The following ECHDC1 variants were observed in gnomAD, a reference collection of about 807,000 sequenced individuals.
ECHDC1 encodes ethylmalonyl-CoA decarboxylase.
A neutral mutation model predicts 29.7 loss-of-function variants in ECHDC1; 29 were observed. That is an observed-to-expected ratio of 0.98 (90% CI 0.73 to 1.33). The LOEUF (loss-of-function observed/expected upper bound fraction) is 1.33, where lower values mean the gene tolerates loss of function less well. Ranked by LOEUF, ECHDC1 falls within the 40% of genes most tolerant of loss-of-function variation. The pLI is 0.00. For synonymous variants in ECHDC1, 126 were observed against 123.1 expected, an observed-to-expected ratio of 1.02 and a Z score of -0.15; for missense variants, 328 against 350.0, an observed-to-expected ratio of 0.94 and a Z score of 0.50.
chr6:127,342,529 A>G, intron 1 of ECHDC1: 1 of 629,964 alleles, frequency 1.6e-6, no homozygotes, highest in East Asian at 2.9e-5. Flanking sequence ...GATTTCACAA[A>G]TATACTTCTC....
chr6:127,335,642 C>T (rs1157941845), intron 1 of ECHDC1, among the ~76,000 whole-genome samples: 1 of 151,890 alleles, frequency 6.6e-6, no homozygotes, highest in Non-Finnish European at 1.5e-5. Context: ...AAAAAGTCAC[C>T]AGTTGCCAGC....
intron 5 of ECHDC1, among the ~76,000 whole-genome samples, chr6:127,304,226 AAGTG>A (rs1415777054): frequency 6.6e-6 from 1 of 152,176 alleles, no homozygotes; most frequent in Non-Finnish European, 1.5e-5. Flanking sequence ...GTTTGGGAGA[AAGTG>A]AGGGAAGAGA....
intron 3 of ECHDC1, among the ~76,000 whole-genome samples, chr6:127,323,165 AG>A (rs1782987563): frequency 6.6e-6 from 1 of 152,114 alleles, no homozygotes; most frequent in Non-Finnish European, 1.5e-5. Flanking sequence ...TTCCATTCCC[AG>A]GATATCTCAT....
intron 5 of ECHDC1, among the ~76,000 whole-genome samples, chr6:127,308,216 A>G (rs1019656155): frequency 6.6e-6 from 1 of 152,202 alleles, no homozygotes; most frequent in Non-Finnish European, 1.5e-5. Context: ...ATAGGCCAAT[A>G]TCTCCAATGA....
rs1175167658 is a variant in ECHDC1, at chr6:127,330,935, A to G, written c.94T>C (p.Phe32Leu). 9.3e-6 allele frequency: 15 copies of G among 1,614,086 alleles called. No individual in the cohort carries two copies. Among genetic ancestry groups the G allele is most frequent in the Non-Finnish European group, 1.1e-5 (13 of 1,180,008 alleles). Residue 32 changes from phenylalanine (F) to leucine (L), a missense_variant, in exon 2 of 6, where the codon TTT becomes CTT. Coordinates refer to ENST00000454859, the MANE Select transcript of ECHDC1 (RefSeq NM_001002030.2). Reference protein sequence around the residue: ...GLSLYSTSHGFYEEEVKKTLQ... With the variant: ...GLSLYSTSHGLYEEEVKKTLQ... ...GTTTTTTTCACTTCTTCCTCATAAA[A>G]TCCATGGGATGTACTATAAAGTGAC...
intron 3 of ECHDC1, 59 bp downstream of exon 3, chr6:127,326,943 T>C: frequency 6.6e-7 from 1 of 1,525,182 alleles, no homozygotes; most frequent in African/African-American, 1.4e-5. Flanking sequence ...TATAAATGTA[T>C]CTGCCATACA....
At chr6:127,314,748 T>C (rs1203374033) in intron 5 of ECHDC1, 68 bp downstream of exon 5, 4 of 1,260,112 alleles carry the variant, frequency 3.2e-6, no homozygotes, top group Non-Finnish European at 4.5e-6. Flanking sequence ...ATATTGATAT[T>C]AAGGCAAAAA....
At chr6:127,313,356 C>G (rs909733001) in intron 5 of ECHDC1, 2 of 283,850 alleles carry the variant, frequency 7.0e-6, no homozygotes, top group African/African-American at 4.4e-5. Context: ...GCATGTGCCA[C>G]CACACCTGGC....
intron 5 of ECHDC1, among the ~76,000 whole-genome samples, chr6:127,295,349 A>G (rs1178031271): frequency 1.3e-5 from 2 of 152,196 alleles, no homozygotes; most frequent in African/African-American, 4.8e-5. Context: ...TGATGAAAAC[A>G]GCATTAGAGG....
intron 5 of ECHDC1, among the ~76,000 whole-genome samples, chr6:127,297,053 A>G (rs9372863): frequency 0.13 from 19,940 of 152,174 alleles, 2,569 homozygotes; most frequent in East Asian, 0.56. Context: ...TATTAAAACT[A>G]TGCTGAAATA....
chr6:127,329,509 C>A (rs576572114), intron 2 of ECHDC1, among the ~76,000 whole-genome samples: 1 of 152,066 alleles, frequency 6.6e-6, no homozygotes, highest in East Asian at 1.9e-4. Flanking sequence ...GGTTTTTATT[C>A]CCTAAACCAA....
chr6:127,342,611 G>C, intron 1 of ECHDC1: 1 of 468,808 alleles, frequency 2.1e-6, no homozygotes, highest in African/African-American at 1.9e-5. Flanking sequence ...CCTTGCCCTT[G>C]TCCAGTTCCT....
intron 1 of ECHDC1, among the ~76,000 whole-genome samples, chr6:127,336,564 A>G (rs1784442165): frequency 2.6e-5 from 4 of 152,198 alleles, no homozygotes; most frequent in Admixed American, 6.5e-5. Flanking sequence ...TTGGAAAATG[A>G]GCTATCCTGG....
At chr6:127,297,615 T>C (rs1447262070) in intron 5 of ECHDC1, among the ~76,000 whole-genome samples, 1 of 152,142 alleles carries the variant, frequency 6.6e-6, no homozygotes, top group Non-Finnish European at 1.5e-5. Context: ...AGGAAAAAGG[T>C]TCCTCCCCTT....
intron 5 of ECHDC1, among the ~76,000 whole-genome samples, chr6:127,311,696 AAAGAAAAG>A (rs1781936430): frequency 1.1e-5 from 1 of 89,598 alleles, no homozygotes; most frequent in African/African-American, 4.1e-5. Flanking sequence ...AAAAAAAAAA[AAAGAAAAG>A]AAAAAAGAAA....
intron 5 of ECHDC1, 106 bp downstream of exon 5, chr6:127,314,710 A>T (rs1782214535): frequency 6.5e-6 from 5 of 767,492 alleles, no homozygotes; most frequent in Non-Finnish European, 1.0e-5. Context: ...AAAAGAAAAT[A>T]GGTTTATCCT....
intron 5 of ECHDC1, among the ~76,000 whole-genome samples, chr6:127,300,806 C>A (rs999993215): frequency 5.9e-5 from 9 of 152,322 alleles, no homozygotes; most frequent in Non-Finnish European, 1.5e-5. Flanking sequence ...TTTAGAAAAA[C>A]CAGCTGAGCC....
At chr6:127,302,871 C>G (rs932291963) in intron 5 of ECHDC1, among the ~76,000 whole-genome samples, 1 of 152,146 alleles carries the variant, frequency 6.6e-6, no homozygotes, top group African/African-American at 2.4e-5. Context: ...CCAATGACTG[C>G]TTCCTCTTCG....
At chr6:127,296,356 T>G (rs1780595944) in intron 5 of ECHDC1, among the ~76,000 whole-genome samples, 1 of 152,128 alleles carries the variant, frequency 6.6e-6, no homozygotes. Context: ...CACACCCGGC[T>G]AAATTTTTAT....
Sources: gnomAD v4.1 joint callset for allele counts (sites outside exome capture counted in the v4.1 genomes callset) on GRCh38, gnomAD v4.1.1 for gene constraint, MANE v1.5 for transcripts, NCBI Gene and HGNC (gene_info 2026-07-23, HGNC 2026-07-21) for gene names.